The following VPS13C variants were observed in gnomAD, a reference collection of about 807,000 sequenced individuals.
VPS13C encodes the protein vacuolar protein sorting 13 homolog C.
A neutral mutation model predicts 456.8 loss-of-function variants in VPS13C; 358 were observed. The ratio of observed to expected loss-of-function variants is 0.78; its 90% CI spans 0.72 to 0.86. The LOEUF (loss-of-function observed/expected upper bound fraction) is 0.86, where lower values mean the gene tolerates loss of function less well. Ranked by LOEUF, VPS13C falls within the 40% of genes least tolerant of loss-of-function variation. The pLI, the probability that VPS13C is intolerant of heterozygous loss-of-function variation, is 0.00. For synonymous variants in VPS13C, 1,578 were observed against 1,486.7 expected, an observed-to-expected ratio of 1.06 and a Z score of -1.41; for missense variants, 4,818 against 4,385.4, an observed-to-expected ratio of 1.10 and a Z score of -2.79.
rs749865663 is a variant in VPS13C, at chr15:61,907,412, G to C, written c.8979-22C>G. 10 of 1,611,076 alleles carry C rather than the reference G, an allele frequency of 6.2e-6. No individual in the cohort carries two copies. In the African/African-American group the frequency reaches 1.3e-4, roughly 22 times the overall value. ...CCCACTAAAACACAATGAACAGAGA[G>C]AAAATCAGAATATCTTGGAGATAAG... On this transcript the variant is annotated intron_variant, in intron 65 of 84. Coordinates refer to ENST00000644861, the MANE Select transcript of VPS13C (RefSeq NM_020821.3).
intron 62 of VPS13C, among the ~76,000 whole-genome samples, chr15:61,912,630 G>A (rs1425385907): frequency 1.5e-5 from 2 of 131,026 alleles, no homozygotes; most frequent in East Asian, 2.2e-4. Flanking sequence ...TACACTTTAG[G>A]AGCCAACTTG....
chr15:61,896,608 C>T (rs1300768816), intron 66 of VPS13C, among the ~76,000 whole-genome samples: 2 of 140,690 alleles, frequency 1.4e-5, no homozygotes, highest in East Asian at 2.1e-4. Flanking sequence ...CCTACGCCCA[C>T]GGAGTCTCGC....
chr15:62,037,343 A>C (rs11632685), intron 3 of VPS13C, among the ~76,000 whole-genome samples: 1 of 83,806 alleles, frequency 1.2e-5, no homozygotes, highest in Non-Finnish European at 2.3e-5. Flanking sequence ...TTTATATATA[A>C]TATATTATAT....
chr15:61,992,874 A>T (rs1033906602), intron 16 of VPS13C, among the ~76,000 whole-genome samples: 3 of 149,774 alleles, frequency 2.0e-5, no homozygotes, highest in African/African-American at 7.3e-5. Flanking sequence ...AGAAAGAGGT[A>T]TTTTTTTTTT....
intron 9 of VPS13C, among the ~76,000 whole-genome samples, chr15:62,016,885 C>A (rs1253612005): frequency 1.3e-5 from 2 of 152,150 alleles, no homozygotes; most frequent in African/African-American, 4.8e-5. Context: ...TACAGTCCCA[C>A]CAACAGTGTA....
chr15:61,875,662 C>T (rs1231808875), intron 76 of VPS13C, 70 bp downstream of exon 76: 1 of 1,035,042 alleles, frequency 9.7e-7, no homozygotes, highest in African/African-American at 1.6e-5. Flanking sequence ...ATGCAAATTA[C>T]TATTTGTTAT....
chr15:61,854,598 T>A, intron 84 of VPS13C, 40 bp from the exon 85 acceptor site: 1 of 1,594,338 alleles, frequency 6.3e-7, no homozygotes, highest in South Asian at 1.1e-5. Flanking sequence ...TAAAGACAAG[T>A]ATAGGCTCAT....
intron 66 of VPS13C, among the ~76,000 whole-genome samples, chr15:61,901,852 G>A (rs1163676154): frequency 1.3e-5 from 2 of 152,004 alleles, no homozygotes; most frequent in African/African-American, 4.8e-5. Context: ...GCAAAGACTC[G>A]GAACCAACCC....
At chr15:61,912,928 A>C (rs1201159809) in intron 62 of VPS13C, among the ~76,000 whole-genome samples, 1 of 150,846 alleles carries the variant, frequency 6.6e-6, no homozygotes, top group Non-Finnish European at 1.5e-5. Context: ...ACACATGAAA[A>C]AATGCTCACC....
chr15:62,001,075 T>C (rs560904160), intron 15 of VPS13C, among the ~76,000 whole-genome samples: 11 of 152,190 alleles, frequency 7.2e-5, no homozygotes, highest in Non-Finnish European at 1.6e-4. Context: ...TAGGCTAAAG[T>C]AGAAACTGAT....
chr15:62,005,299 G>A (rs2046792537), intron 15 of VPS13C, among the ~76,000 whole-genome samples: 1 of 152,136 alleles, frequency 6.6e-6, no homozygotes, highest in South Asian at 2.1e-4. Flanking sequence ...TTTGATCTTT[G>A]TTGGTTTAAA....
chr15:61,922,846 C>T (rs988635812), intron 53 of VPS13C, 84 bp from the exon 54 acceptor site: 2 of 1,055,818 alleles, frequency 1.9e-6, no homozygotes, highest in East Asian at 3.1e-5. Flanking sequence ...AAGTGACATA[C>T]ATTAATTATA....
At chr15:61,994,832 C>A (rs1434355796) in intron 16 of VPS13C, among the ~76,000 whole-genome samples, 2 of 152,204 alleles carry the variant, frequency 1.3e-5, no homozygotes, top group Non-Finnish European at 2.9e-5. Context: ...TCGTGATCTG[C>A]CCATCTCAGC....
At chr15:61,906,315 T>A (rs1351706212) in intron 66 of VPS13C, among the ~76,000 whole-genome samples, 1 of 152,206 alleles carries the variant, frequency 6.6e-6, no homozygotes, top group Non-Finnish European at 1.5e-5. Flanking sequence ...TCACCCTCTC[T>A]TCCTACTGCC....
chr15:61,981,330 ATATATACC>A lies in VPS13C; in HGVS notation c.2166+4_2166+11del. On this transcript the variant is annotated splice_donor_5th_base_variant and intron_variant, in intron 22 of 84. Coordinates refer to ENST00000644861, the MANE Select transcript of VPS13C (RefSeq NM_020821.3). ...CAAAGATGGGCAGACAAAAAAACGC[ATATATACC>A]TACCTGAAATGTACCAAAATCTAAA... is the stretch of plus-strand genomic sequence containing the variant. The A allele has an allele frequency of 6.2e-7, 1 of 1,601,130 alleles. No individual in the cohort carries two copies.
chr15:61,936,383 A>C (rs2044226320), intron 48 of VPS13C, among the ~76,000 whole-genome samples: 1 of 152,160 alleles, frequency 6.6e-6, no homozygotes, highest in Non-Finnish European at 1.5e-5. Flanking sequence ...TTCACAAGTA[A>C]AGGGTAAACA....
At chr15:61,881,497 G>A in intron 71 of VPS13C, 66 bp downstream of exon 71, 3 of 1,459,454 alleles carry the variant, frequency 2.1e-6, no homozygotes, top group Non-Finnish European at 2.8e-6. Flanking sequence ...AAAAGAGTAA[G>A]ATTTATTTTC....
At chr15:61,931,689 G>A (rs532014387) in intron 49 of VPS13C, among the ~76,000 whole-genome samples, 25 of 150,370 alleles carry the variant, frequency 1.7e-4, no homozygotes, top group East Asian at 1.2e-3. Flanking sequence ...GCAATTCTCC[G>A]CCTCAGCCTC....
intron 16 of VPS13C, among the ~76,000 whole-genome samples, chr15:61,999,408 GA>G (rs1210010610): frequency 6.6e-6 from 1 of 151,642 alleles, no homozygotes; most frequent in African/African-American, 2.4e-5. Flanking sequence ...GAGAGAGAGA[GA>G]AAGTAGTTAT....
Sources: allele counts gnomAD v4.1 joint callset (sites outside exome capture counted in the v4.1 genomes callset), GRCh38; gene constraint gnomAD v4.1.1; transcripts MANE v1.5; gene names NCBI Gene and HGNC (gene_info 2026-07-23, HGNC 2026-07-21).